Variants in EYS observed in about 807,000 individuals in gnomAD.
EYS encodes EGF-like photoreceptor maintenance factor, also known as protein eyes shut homolog.
Under a neutral mutation model 282.1 loss-of-function variants are expected in EYS, and 250 were observed. The ratio of observed to expected loss-of-function variants is 0.89; its 90% confidence interval spans 0.80 to 0.98. The LOEUF is 0.98. Among genes scored for constraint, EYS ranks in the 50% least tolerant of loss-of-function variants. EYS has a pLI of 0.00. For synonymous variants in EYS, 1,355 were observed against 1,282.9 expected (o/e 1.06, Z -1.20); for missense variants, 4,016 against 3,709.0 (o/e 1.08, Z -2.15).
At chr6:63,808,637 C>A (rs1289032521) in intron 36 of EYS, among the ~76,000 whole-genome samples, 2 of 152,108 alleles carry the variant, frequency 1.3e-5, no homozygotes, top group Admixed American at 1.3e-4. Context: ...ATTATCAGTG[C>A]AATTTCATGA....
chr6:65,519,847 G>A (rs1296895912), intron 2 of EYS, among the ~76,000 whole-genome samples: 2 of 146,668 alleles, frequency 1.4e-5, no homozygotes, highest in African/African-American at 5.0e-5. Flanking sequence ...CTCCTGAGTA[G>A]CTAGGATTAC....
At chr6:64,481,152 T>A (rs759602399) in intron 26 of EYS, among the ~76,000 whole-genome samples, 5 of 150,716 alleles carry the variant, frequency 3.3e-5, no homozygotes, top group African/African-American at 1.2e-4. Context: ...CACTGAAAAC[T>A]CACAGCTTTC....
At chr6:65,093,987 G>C (rs190618845) in intron 12 of EYS, among the ~76,000 whole-genome samples, 24 of 151,758 alleles carry the variant, frequency 1.6e-4, no homozygotes, top group Admixed American at 1.2e-3. Flanking sequence ...AGCTATACTT[G>C]CATGAGACAA....
intron 35 of EYS, among the ~76,000 whole-genome samples, chr6:63,949,130 C>T (rs942860443): frequency 6.6e-6 from 1 of 152,118 alleles, no homozygotes; most frequent in Non-Finnish European, 1.5e-5. Context: ...AAAGACTCAT[C>T]AATGGACACT....
At chr6:64,877,138 T>C (rs1377484452) in intron 19 of EYS, among the ~76,000 whole-genome samples, 2 of 152,134 alleles carry the variant, frequency 1.3e-5, no homozygotes, top group East Asian at 1.9e-4. Context: ...ATGCAGCCAA[T>C]GGGATTTGCT....
At chr6:64,618,217 T>C (rs1345917357) in intron 23 of EYS, among the ~76,000 whole-genome samples, 2 of 152,168 alleles carry the variant, frequency 1.3e-5, no homozygotes, top group Non-Finnish European at 2.9e-5. Flanking sequence ...TCAACCAACA[T>C]TGCTAAGTAT....
intron 14 of EYS, among the ~76,000 whole-genome samples, chr6:64,949,677 G>T (rs1769416614): frequency 6.6e-6 from 1 of 151,670 alleles, no homozygotes; most frequent in African/African-American, 2.4e-5. Context: ...ATATTTACAG[G>T]TTTCACTCAC....
intron 31 of EYS, among the ~76,000 whole-genome samples, chr6:64,100,532 C>T (rs569640419): frequency 1.3e-5 from 2 of 151,940 alleles, no homozygotes; most frequent in African/African-American, 2.4e-5. Context: ...CTGGGGAGCT[C>T]ATCTGTTTTA....
At chr6:65,361,364 A>T (rs1332218871) in intron 8 of EYS, among the ~76,000 whole-genome samples, 1 of 15,984 alleles carries the variant, frequency 6.3e-5, no homozygotes, top group Admixed American at 4.2e-4. Flanking sequence ...AAAGTATAAT[A>T]AAAAAAAAGA....
chr6:63,881,504 A>G (rs559397648), intron 35 of EYS, among the ~76,000 whole-genome samples: 1 of 152,322 alleles, frequency 6.6e-6, no homozygotes, highest in South Asian at 2.1e-4. Context: ...TACTTTGGTA[A>G]CTAATATATA....
At chr6:64,600,382 A>T (rs1248167191) in intron 24 of EYS, among the ~76,000 whole-genome samples, 1 of 152,102 alleles carries the variant, frequency 6.6e-6, no homozygotes, top group African/African-American at 2.4e-5. Context: ...GGTGGCAACC[A>T]GAAAGTGAGA....
chr6:64,460,371 C>T (rs1775704350), intron 26 of EYS, among the ~76,000 whole-genome samples: 1 of 152,092 alleles, frequency 6.6e-6, no homozygotes, highest in Non-Finnish European at 1.5e-5. Context: ...TCCAGTGAAA[C>T]AAAATACAAA....
chr6:63,809,072 AG>A (rs1237669632), intron 36 of EYS, among the ~76,000 whole-genome samples: 1 of 152,124 alleles, frequency 6.6e-6, no homozygotes, highest in Non-Finnish European at 1.5e-5. Flanking sequence ...ACTTACTTCA[AG>A]GGGCTTTTTC....
intron 12 of EYS, among the ~76,000 whole-genome samples, chr6:65,098,897 TAAAAA>T (rs1021679931): frequency 6.6e-6 from 1 of 150,690 alleles, no homozygotes; most frequent in African/African-American, 2.4e-5. Flanking sequence ...TTATAAAGTT[TAAAAA>T]AATAATAACA....
Position 64,593,249 on chromosome 6 carries a change from TG to T in EYS, c.3744del (p.Ile1249SerfsTer28). On this transcript the variant is annotated frameshift_variant, in exon 25 of 43. Transcript: ENST00000503581. LOFTEE classifies it high-confidence loss of function. ...GAAATGGGATCTGTTCTTTGAAAGATGGGAGTTAAACAGGTAATTCTCCTTA... is the reference window on the plus strand; with the variant it reads ...GAAATGGGATCTGTTCTTTGAAAGATGGAGTTAAACAGGTAATTCTCCTTA... ...DEIRRITCLT[P>X]IFQRTDPIST... The T allele has an allele frequency of 6.4e-7, 1 of 1,550,708 alleles. No individual in the cohort carries two copies. Among genetic ancestry groups the T allele is most frequent in the Non-Finnish European group, 8.7e-7 (1 of 1,146,432 alleles).
intron 12 of EYS, among the ~76,000 whole-genome samples, chr6:65,120,112 G>T (rs1484534860): frequency 1.1e-4 from 15 of 132,180 alleles, no homozygotes; most frequent in Non-Finnish European, 2.4e-4. Context: ...AGATCGCGCC[G>T]CTGCACTCCA....
chr6:64,886,709 G>A lies in EYS; in HGVS notation c.2980C>T (p.Pro994Ser), dbSNP rs749081001. 1 of 1,544,432 alleles carries A rather than the reference G, an allele frequency of 6.5e-7. No homozygotes were observed. Among genetic ancestry groups the A allele is most frequent in the Non-Finnish European group, 8.7e-7 (1 of 1,143,340 alleles). ...RTDGYNCLCAPGYTGINCEIN... is the reference protein window; with the variant it reads ...RTDGYNCLCASGYTGINCEIN... The stretch of plus-strand genomic sequence containing the variant: ...GATATGGATTTACCTGTATAACCAG[G>A]GGCACAGAGGCAGTTGTATCCATCA... The change falls in exon 19 of 43, where the codon CCT becomes TCT. Residue 994 changes from proline (P) to serine (S), a missense_variant. Coordinates refer to ENST00000503581, the MANE Select transcript of EYS (RefSeq NM_001142800.2).
chr6:64,327,764 C>A lies in EYS; in HGVS notation c.6079-20682G>T, dbSNP rs570387209. Among the ~76,000 whole-genome samples, 12 of 152,292 alleles carry A rather than the reference C, an allele frequency of 7.9e-5. No individual in the cohort carries two copies. In the East Asian group the frequency reaches 2.3e-3, roughly 29 times the overall value. On this transcript the variant is annotated intron_variant, in intron 29 of 42. Transcript: ENST00000503581. ...CAGAAAAAACCCGTCCTACAGGCCC[C>A]ACCTGAAGAGTTAGAAAGTCCAGCC...
intron 7 of EYS, among the ~76,000 whole-genome samples, chr6:65,386,445 T>G (rs1187508408): frequency 6.6e-6 from 1 of 151,832 alleles, no homozygotes; most frequent in Non-Finnish European, 1.5e-5. Context: ...CTACTGAGTT[T>G]CAGGCAATCA....
Sources: gnomAD v4.1 joint callset for allele counts (sites outside exome capture counted in the v4.1 genomes callset) on GRCh38, gnomAD v4.1.1 for gene constraint, MANE v1.5 for transcripts, NCBI Gene and HGNC (gene_info 2026-07-23, HGNC 2026-07-21) for gene names.